PTPRD: variants seen among roughly 807,000 people sequenced by gnomAD.
PTPRD encodes the protein protein tyrosine phosphatase receptor type D, also known as receptor-type tyrosine-protein phosphatase delta.
Under a neutral mutation model 214.5 loss-of-function variants are expected in PTPRD, and 34 were observed. The ratio of observed to expected loss-of-function variants is 0.16; its 90% CI spans 0.12 to 0.21. The LOEUF (loss-of-function observed/expected upper bound fraction) is 0.21, where lower values mean the gene tolerates loss of function less well. Ranked by LOEUF, PTPRD falls within the 10% of genes least tolerant of loss-of-function variation. PTPRD has a pLI of 1.00. For synonymous variants in PTPRD, 1,128 were observed against 845.7 expected (o/e 1.33, Z -5.79); for missense variants, 2,545 against 2,398.7 (o/e 1.06, Z -1.27).
chr9:9,940,091 G>A (rs982168711), intron 4 of PTPRD, among the ~76,000 whole-genome samples: 9 of 152,270 alleles, frequency 5.9e-5, no homozygotes, highest in African/African-American at 2.2e-4. Flanking sequence ...TGTATGTGGG[G>A]AAACCACAAG....
intron 2 of PTPRD, among the ~76,000 whole-genome samples, chr9:10,549,688 G>C (rs1225991998): frequency 6.6e-6 from 1 of 152,120 alleles, no homozygotes; most frequent in Non-Finnish European, 1.5e-5. Context: ...TAGTCTGAGA[G>C]TATAAATCCT....
chr9:9,268,330 G>T (rs529060382), intron 9 of PTPRD, among the ~76,000 whole-genome samples: 1 of 150,014 alleles, frequency 6.7e-6, no homozygotes, highest in South Asian at 2.1e-4. Context: ...TCTGTATAAT[G>T]AAAATATAAG....
At chr9:8,493,717 T>C (rs1200401267) in intron 26 of PTPRD, among the ~76,000 whole-genome samples, 1 of 152,234 alleles carries the variant, frequency 6.6e-6, no homozygotes, top group Non-Finnish European at 1.5e-5. Context: ...ACTTTAGTTT[T>C]ACCACATCAC....
At chr9:8,728,418 G>A (rs2098611332) in intron 12 of PTPRD, among the ~76,000 whole-genome samples, 1 of 152,106 alleles carries the variant, frequency 6.6e-6, no homozygotes, top group South Asian at 2.1e-4. Context: ...GGCTGATCTT[G>A]AACTCCTGTC....
intron 3 of PTPRD, among the ~76,000 whole-genome samples, chr9:10,121,303 A>G (rs537831053): frequency 6.6e-6 from 1 of 151,148 alleles, no homozygotes; most frequent in Non-Finnish European, 1.5e-5. Context: ...GAATGATTCC[A>G]AAGTTTTTTA....
chr9:9,546,136 TAGTTTC>T lies in PTPRD; in HGVS notation c.-237+28590_-237+28595del, dbSNP rs570826679. 3.0e-3 allele frequency among the ~76,000 whole-genome samples: 457 copies of T among 151,816 alleles called. 3 individuals carry two copies. Among genetic ancestry groups the T allele is most frequent in the African/African-American group, 0.01 (425 of 41,518 alleles). On this transcript the variant is annotated intron_variant, in intron 8 of 45. Coordinates refer to ENST00000381196, the MANE Select transcript of PTPRD (RefSeq NM_002839.4). Reference sequence around the variant, plus strand: ...ATAGCAGTTTTTTTCACTAAATATATAGTTTCAGTGAAATTTTGTTTTGTTTTGAGT... The same window carrying T: ...ATAGCAGTTTTTTTCACTAAATATATAGTGAAATTTTGTTTTGTTTTGAGT...
chr9:8,973,003 C>T (rs1383088767), intron 11 of PTPRD, among the ~76,000 whole-genome samples: 2 of 122,660 alleles, frequency 1.6e-5, no homozygotes, highest in Non-Finnish European at 3.7e-5. Context: ...TTGACTGCCC[C>T]CAGGGAGAAA....
intron 11 of PTPRD, among the ~76,000 whole-genome samples, chr9:8,790,430 G>A (rs1371774687): frequency 6.6e-6 from 1 of 151,866 alleles, no homozygotes; most frequent in Non-Finnish European, 1.5e-5. Context: ...TTTATTTTGT[G>A]TTTTTGAGAT....
At chr9:9,049,324 C>G (rs1012663227) in intron 10 of PTPRD, among the ~76,000 whole-genome samples, 11 of 152,124 alleles carry the variant, frequency 7.2e-5, no homozygotes, top group Non-Finnish European at 1.6e-4. Context: ...TTGGAAAATC[C>G]AAGAATAGGT....
At chr9:9,632,773 T>C (rs1564186007) in intron 7 of PTPRD, among the ~76,000 whole-genome samples, 1 of 152,112 alleles carries the variant, frequency 6.6e-6, no homozygotes, top group Non-Finnish European at 1.5e-5. Flanking sequence ...GTTACATAGG[T>C]ATAAATATAG....
chr9:9,839,453 T>C (rs977299522), intron 5 of PTPRD, among the ~76,000 whole-genome samples: 8 of 152,258 alleles, frequency 5.3e-5, no homozygotes, highest in Middle Eastern at 3.4e-3. Context: ...CCATTCACAA[T>C]TGCTTCAAAG....
intron 12 of PTPRD, among the ~76,000 whole-genome samples, chr9:8,697,211 G>A (rs1263215353): frequency 2.1e-4 from 32 of 152,074 alleles, no homozygotes; most frequent in Admixed American, 1.4e-3. Flanking sequence ...CTGACTATAC[G>A]TAGGGAAGGG....
At chr9:10,396,912 T>A (rs765082348) in intron 2 of PTPRD, among the ~76,000 whole-genome samples, 4 of 151,966 alleles carry the variant, frequency 2.6e-5, no homozygotes, top group Non-Finnish European at 4.4e-5. Flanking sequence ...TCCTCCATAC[T>A]TGAGGCCCTG....
At chr9:8,811,484 T>C (rs2096801988) in intron 11 of PTPRD, among the ~76,000 whole-genome samples, 1 of 152,160 alleles carries the variant, frequency 6.6e-6, no homozygotes, top group African/African-American at 2.4e-5. Context: ...GAATATAATT[T>C]TTAACAAAGC....
chr9:9,748,837 G>A (rs2098484530), intron 6 of PTPRD, among the ~76,000 whole-genome samples: 1 of 152,086 alleles, frequency 6.6e-6, no homozygotes. Flanking sequence ...AAGAGTTATA[G>A]TGTCCACATT....
At chr9:10,337,809 T>C (rs1042382939) in intron 3 of PTPRD, among the ~76,000 whole-genome samples, 2 of 151,722 alleles carry the variant, frequency 1.3e-5, no homozygotes, top group Non-Finnish European at 3.0e-5. Flanking sequence ...TTCAAGATTA[T>C]ACAAATAGCA....
chr9:9,080,818 G>A (rs761491183), intron 10 of PTPRD, among the ~76,000 whole-genome samples: 1 of 152,116 alleles, frequency 6.6e-6, no homozygotes, highest in Non-Finnish European at 1.5e-5. Flanking sequence ...ATGGTAGTTT[G>A]TATTTCTGTG....
At chr9:10,503,955 A>T (rs1372926003) in intron 2 of PTPRD, among the ~76,000 whole-genome samples, 1 of 151,296 alleles carries the variant, frequency 6.6e-6, no homozygotes, top group Non-Finnish European at 1.5e-5. Flanking sequence ...TCTCTACTAA[A>T]AATACAAAAA....
intron 8 of PTPRD, among the ~76,000 whole-genome samples, chr9:9,432,085 TAATA>T (rs2083414782): frequency 7.4e-6 from 1 of 134,852 alleles, no homozygotes; most frequent in African/African-American, 2.8e-5. Context: ...ATAATAATAA[TAATA>T]AAAGAAACAC....
Sources: gnomAD v4.1 joint callset for allele counts (sites outside exome capture counted in the v4.1 genomes callset) on GRCh38, gnomAD v4.1.1 for gene constraint, MANE v1.5 for transcripts, NCBI Gene and HGNC (gene_info 2026-07-23, HGNC 2026-07-21) for gene names.